Variants in DNAH1 observed in about 807,000 individuals in gnomAD.
DNAH1 encodes dynein axonemal heavy chain 1.
DNAH1 carries 327 observed loss-of-function variants against 484.3 expected under a neutral mutation model. That is an observed-to-expected ratio of 0.68 (90% CI 0.62 to 0.74). DNAH1 has a LOEUF of 0.74. Ranked by LOEUF, DNAH1 falls within the 30% of genes least tolerant of loss-of-function variation. The probability of loss-of-function intolerance (pLI) is 0.00; values close to 1 mark genes in which losing one functional copy is unlikely to be tolerated. For synonymous variants in DNAH1, 2,192 were observed against 2,191.9 expected, an observed-to-expected ratio of 1.00 and a Z score of 0.00; for missense variants, 5,052 against 5,546.8, an observed-to-expected ratio of 0.91 and a Z score of 2.83.
At chr3:52,348,764 C>T in intron 12 of DNAH1, 124 bp from the exon 13 acceptor site, 2 of 1,045,976 alleles carry the variant, frequency 1.9e-6, no homozygotes, top group Non-Finnish European at 2.8e-6. Context: ...CTGCCACCCT[C>T]TAGGCTTCAG....
rs772467288 is a variant in DNAH1 at position 52,372,048 on chromosome 3, T to C, written c.6628T>C (p.Ser2210Pro). The part of the protein sequence containing the change: ...IVPTMDTVQM[S>P]HLLDMLLTNK... ...GCCCACCATGGACACCGTGCAGATG[T>C]CCCATTTACTGGACATGCTGCTCAC... is the stretch of plus-strand genomic sequence containing the variant. The change falls in exon 42 of 78, where the codon TCC becomes CCC. Residue 2210 changes from serine to proline, a missense_variant. By Grantham distance (74) the Ser-to-Pro change is moderately conservative. Around this residue, in one of 4 missense-constraint regions of DNAH1, gnomAD observed 2,929 missense variants for 3,409.4 expected, o/e 0.86. Transcript: ENST00000420323. The C allele has an allele frequency of 6.2e-7, 1 of 1,613,766 alleles. No individual in the cohort carries two copies. The highest frequency in any genetic ancestry group is 1.1e-5 in the South Asian group (1 of 91,082).
chr3:52,347,804 C>A lies in DNAH1; in HGVS notation c.1956-20C>A. 2.6e-6 allele frequency: 4 copies of A among 1,557,470 alleles called. No homozygotes were observed. In the South Asian group the frequency reaches 3.6e-5, roughly 14 times the overall value. ...GGCCTCCTAGGCCTCTGCCCACAGTCAGCTCGCCATTGCCTGCAGGCCCCG... is the reference window on the plus strand; with the variant it reads ...GGCCTCCTAGGCCTCTGCCCACAGTAAGCTCGCCATTGCCTGCAGGCCCCG... On this transcript the variant is annotated intron_variant, in intron 11 of 77. Coordinates refer to ENST00000420323, the MANE Select transcript of DNAH1 (RefSeq NM_015512.5).
chr3:52,324,315 G>C (rs1701258377), intron 3 of DNAH1, among the ~76,000 whole-genome samples: 1 of 152,188 alleles, frequency 6.6e-6, no homozygotes, highest in African/African-American at 2.4e-5. Flanking sequence ...GGAGGAAAGG[G>C]GGACTCTCCT....
chr3:52,398,298 G>T, intron 75 of DNAH1, 136 bp downstream of exon 75: 3 of 1,186,354 alleles, frequency 2.5e-6, no homozygotes, highest in Non-Finnish European at 3.4e-6. Context: ...TGTTGTTGTT[G>T]TTGACACGGA....
chr3:52,395,237 C>G lies in DNAH1; in HGVS notation c.10969-71C>G. 6.5e-7 allele frequency: 1 copy of G among 1,547,708 alleles called. No homozygotes were observed. The highest frequency in any genetic ancestry group is 8.8e-7 in the Non-Finnish European group (1 of 1,142,458). ...CCACTGGGGACCACTCTGAGAACCC[C>G]AGATCCCCCTCCCTTGCCCCGATCT... On this transcript the variant is annotated intron_variant, in intron 68 of 77. Coordinates refer to ENST00000420323, the MANE Select transcript of DNAH1 (RefSeq NM_015512.5). This position sits in a 1 kb window ranked among gnomAD's most constrained non-coding sequence, Gnocchi z 4.4.
At chr3:52,394,157 C>T (rs1409366427) in intron 66 of DNAH1, among the ~76,000 whole-genome samples, 1 of 152,274 alleles carries the variant, frequency 6.6e-6, no homozygotes, top group Non-Finnish European at 1.5e-5. Context: ...GTGACAGCCA[C>T]CACTGTCAGA....
In DNAH1 at chr3:52,353,934, G is replaced by A. The variant is rs1482789044; in HGVS notation, c.3480+301G>A. ...AGGCCGGGTGCAGTGACACATGCCT[G>A]TAAATCCCAGCACTTTGGGAGGATG... is the stretch of plus-strand genomic sequence containing the variant. On this transcript the variant is annotated intron_variant, in intron 20 of 77. Coordinates refer to ENST00000420323, the MANE Select transcript of DNAH1 (RefSeq NM_015512.5). The surrounding 1 kb of genome is among the most constrained non-coding windows in gnomAD (Gnocchi z 5.0). The A allele has an allele frequency of 2.7e-5, 10 of 370,382 alleles. No individual in the cohort carries two copies. In the Admixed American group the frequency reaches 3.0e-4, roughly 11 times the overall value. 22.9% of individuals were successfully genotyped at this position (370,382 alleles called of 1,614,324 possible). A position where few individuals can be genotyped will look rare whatever the true frequency, so the allele number is the denominator to read the frequency against.
chr3:52,354,782 G>A, intron 20 of DNAH1, 61 bp from the exon 21 acceptor site: 1 of 1,557,886 alleles, frequency 6.4e-7, no homozygotes, highest in Non-Finnish European at 8.8e-7. Context: ...GGGCAGGGCT[G>A]GTCAGACAGC....
rs115799675 is a variant in DNAH1, at chr3:52,332,405, G to A, written c.1286+11G>A. ...GCGCAAAGGCCCCTCGTGAGTCCCC[G>A]CTCGGCCTTCCCTATTCTGGGCATC... On this transcript the variant is annotated intron_variant, in intron 8 of 77. Transcript: ENST00000420323. 1.1e-3 allele frequency: 1,786 copies of A among 1,609,538 alleles called. 22 individuals carry two copies. In the African/African-American group the frequency reaches 0.022, roughly 19 times the overall value.
Position 52,361,589 on chromosome 3 carries a change from G to A in DNAH1, c.4875-72G>A. ...CTTCCTCCCAAGTGGAGTTGGAGGG[G>A]GCCCTCAGAGGGAGGTGCCCAGATT... is the stretch of plus-strand genomic sequence containing the variant. On this transcript the variant is annotated intron_variant, in intron 29 of 77. Coordinates refer to ENST00000420323, the MANE Select transcript of DNAH1 (RefSeq NM_015512.5). This position sits in a 1 kb window ranked among gnomAD's most constrained non-coding sequence, Gnocchi z 5.6. The A allele has an allele frequency of 6.8e-7, 1 of 1,468,528 alleles. No individual in the cohort carries two copies. Among genetic ancestry groups the A allele is most frequent in the Non-Finnish European group, 9.3e-7 (1 of 1,077,746 alleles). The allele number at this position is 1,468,528 out of a possible 1,614,324, so 91.0% of individuals were successfully genotyped here.
At chr3:52,382,602 A>C in intron 50 of DNAH1, 147 bp downstream of exon 50, 1 of 1,326,426 alleles carries the variant, frequency 7.5e-7, no homozygotes, top group South Asian at 1.4e-5. Flanking sequence ...AGGTGGGGCC[A>C]CAGATGGGCA....
rs531094829 is a variant in DNAH1 at position 52,324,900 on chromosome 3, T to C, written c.406+1020T>C. 2.4e-4 allele frequency among the ~76,000 whole-genome samples: 37 copies of C among 152,138 alleles called. 1 individual carries two copies. The highest frequency in any genetic ancestry group is 1.2e-3 in the South Asian group (6 of 4,814). On this transcript the variant is annotated intron_variant, in intron 3 of 77. Coordinates refer to ENST00000420323, the MANE Select transcript of DNAH1 (RefSeq NM_015512.5). ...GTCAATCAGGGCTCTCAGCAACCAG[T>C]AGTGGACATTCACTCTGCTGCCCGA... is the stretch of plus-strand genomic sequence containing the variant.
chr3:52,332,787 C>T (rs1701603541), intron 8 of DNAH1, among the ~76,000 whole-genome samples: 1 of 152,210 alleles, frequency 6.6e-6, no homozygotes, highest in African/African-American at 2.4e-5. Flanking sequence ...ACTTTACTTT[C>T]TGGCACAGCA....
chr3:52,362,625 C>G lies in DNAH1; in HGVS notation c.5094+124C>G. The G allele has an allele frequency of 1.1e-6, 1 of 922,968 alleles. No homozygotes were observed. Among genetic ancestry groups the G allele is most frequent in the South Asian group, 1.6e-5 (1 of 62,936 alleles). 57.2% of individuals were successfully genotyped at this position (922,968 alleles called of 1,614,324 possible). On this transcript the variant is annotated intron_variant, in intron 31 of 77. Coordinates refer to ENST00000420323, the MANE Select transcript of DNAH1 (RefSeq NM_015512.5). This position sits in a 1 kb window ranked among gnomAD's most constrained non-coding sequence, Gnocchi z 5.1. ...AGGGACTGTGATTCCCTATGGTAGCCCCTTAGCCATGGAGGGGAGGCCTCA... is the reference window on the plus strand; with the variant it reads ...AGGGACTGTGATTCCCTATGGTAGCGCCTTAGCCATGGAGGGGAGGCCTCA...
chr3:52,382,021 G>A (rs969581852), intron 49 of DNAH1, among the ~76,000 whole-genome samples, 185 bp downstream of exon 49: 6 of 152,216 alleles, frequency 3.9e-5, no homozygotes, highest in African/African-American at 1.2e-4. Context: ...AGCAGTGCCT[G>A]TGGTGCTGTA....
intron 34 of DNAH1, 145 bp downstream of exon 34, chr3:52,365,164 C>G: frequency 8.4e-7 from 1 of 1,197,130 alleles, no homozygotes; most frequent in Non-Finnish European, 1.1e-6. Flanking sequence ...CTCAGCCGAG[C>G]AATCCAGAGG....
At chr3:52,348,075 C>G in intron 12 of DNAH1, 101 bp downstream of exon 12, 1 of 1,264,120 alleles carries the variant, frequency 7.9e-7, no homozygotes, top group Non-Finnish European at 1.1e-6. Flanking sequence ...TATCACAGGC[C>G]TCCTGTCGGG....
Position 52,322,662 on chromosome 3 carries a change from T to G in DNAH1, c.220T>G (p.Leu74Val). Residue 74 changes from leucine to valine, a missense_variant, in exon 2 of 78, where the codon TTG (leucine) becomes GTG (valine). By Grantham distance (32) the Leu-to-Val change is conservative. This residue lies in a region of DNAH1 where 1,263 missense variants were observed against 1,218.8 expected (regional missense o/e 1.04). Coordinates refer to ENST00000420323, the MANE Select transcript of DNAH1 (RefSeq NM_015512.5). The part of the protein sequence containing the change: ...LPPAPPTLSD[L>V]GQPRKSPLTG... ...CCCGGCCCCACCCACACTCTCAGAC[T>G]TGGGGCAGCCACGGAAGTCACCCCT... The G allele has an allele frequency of 6.2e-7, 1 of 1,613,872 alleles. No individual in the cohort carries two copies. The highest frequency in any genetic ancestry group is 8.5e-7 in the Non-Finnish European group (1 of 1,179,854).
chr3:52,359,241 C>T lies in DNAH1; in HGVS notation c.4267-5C>T. On this transcript the variant is annotated splice_polypyrimidine_tract_variant and splice_region_variant and intron_variant, in intron 25 of 77. Transcript: ENST00000420323. ...CAGGTCAGCCTGCCCATGCTGTCTTCCCAGATGCCCAGGACCCAGTGGGTT... is the reference window on the plus strand; with the variant it reads ...CAGGTCAGCCTGCCCATGCTGTCTTTCCAGATGCCCAGGACCCAGTGGGTT... 1 of 1,564,026 alleles carries T rather than the reference C, an allele frequency of 6.4e-7. No homozygotes were observed. Among genetic ancestry groups the T allele is most frequent in the Non-Finnish European group, 8.7e-7 (1 of 1,153,590 alleles).
Sources: allele counts gnomAD v4.1 joint callset (sites outside exome capture counted in the v4.1 genomes callset), GRCh38; gene constraint gnomAD v4.1.1; regional missense constraint gnomAD v4.1.1; non-coding constraint Gnocchi (gnomAD v3.1); transcripts MANE v1.5; gene names NCBI Gene and HGNC (gene_info 2026-07-23, HGNC 2026-07-21).